CHD9: variants seen among roughly 807,000 people sequenced by gnomAD.
The protein encoded by CHD9 is chromodomain helicase DNA binding protein 9.
CHD9 carries 77 observed loss-of-function variants against 316.1 expected under a neutral mutation model. The ratio of observed to expected loss-of-function variants is 0.24; its 90% CI spans 0.20 to 0.29. The LOEUF is 0.29. Among genes scored for constraint, CHD9 ranks in the 10% least tolerant of loss-of-function variants. The pLI, the probability that CHD9 is intolerant of heterozygous loss-of-function variation, is 1.00. For missense variants in CHD9, 2,763 were observed against 3,438.1 expected, an observed-to-expected ratio of 0.80 and a Z score of 4.91; for synonymous variants, 1,129 against 1,158.3, an observed-to-expected ratio of 0.97 and a Z score of 0.51.
chr16:53,148,056 A>AG (rs368294186), intron 1 of CHD9, among the ~76,000 whole-genome samples: 1 of 151,870 alleles, frequency 6.6e-6, no homozygotes, highest in African/African-American at 2.4e-5. Context: ...ATAAAAAAAA[A>AG]ATTACCCGGG....
chr16:53,078,158 GT>G (rs2034713410), intron 1 of CHD9, among the ~76,000 whole-genome samples: 1 of 152,156 alleles, frequency 6.6e-6, no homozygotes, highest in Admixed American at 6.5e-5. Context: ...TATCACTTAA[GT>G]TTATGTCTCC....
intron 3 of CHD9, among the ~76,000 whole-genome samples, chr16:53,216,483 CATTTT>C: frequency 6.6e-6 from 1 of 152,120 alleles, no homozygotes; most frequent in East Asian, 1.9e-4. Context: ...GTATATGTGT[CATTTT>C]ATTTTAAAAT....
chr16:53,131,436 G>T (rs901856730), intron 1 of CHD9: 1 of 146,656 alleles, frequency 6.8e-6, no homozygotes, highest in African/African-American at 2.5e-5. Context: ...GCGGGCCCGC[G>T]GGGAGGCCGG....
chr16:53,074,081 G>A lies in CHD9; in HGVS notation c.-165+19004G>A, dbSNP rs1207642244. ...ATATGGACAATGAAATCGAGGCTGA[G>A]GTGGTCTCAGATAGAGTTAAGGAAC... is the stretch of plus-strand genomic sequence containing the variant. On this transcript the variant is annotated intron_variant, in intron 1 of 38. Coordinates refer to ENST00000447540, the MANE Select transcript of CHD9 (RefSeq NM_001308319.2). Among the ~76,000 whole-genome samples, 3 of 152,220 alleles carry A rather than the reference G, an allele frequency of 2.0e-5. No individual in the cohort carries two copies. The South Asian group carries it at 6.2e-4, about 31-fold the overall frequency.
intron 36 of CHD9, 46 bp from the exon 37 acceptor site, chr16:53,318,166 G>T: frequency 6.7e-7 from 1 of 1,494,690 alleles, no homozygotes; most frequent in Non-Finnish European, 9.1e-7. Flanking sequence ...GAATTGTTTT[G>T]CACAGTTAAA....
intron 1 of CHD9, chr16:53,131,363 G>A (rs1567353248): frequency 6.9e-6 from 1 of 144,786 alleles, no homozygotes; most frequent in Admixed American, 6.9e-5. Context: ...AGGGGGGAGG[G>A]GCAGGCGGGG....
At chr16:53,132,868 A>T (rs1044888484) in intron 1 of CHD9, among the ~76,000 whole-genome samples, 24 of 128,150 alleles carry the variant, frequency 1.9e-4, no homozygotes, top group Non-Finnish European at 1.5e-4. Context: ...GAGCGCAGTG[A>T]CGCCATCTCG....
chr16:53,141,175 AC>A (rs1343857519), intron 1 of CHD9, among the ~76,000 whole-genome samples: 9 of 152,196 alleles, frequency 5.9e-5, no homozygotes, highest in African/African-American at 2.2e-4. Context: ...GTATTATTTT[AC>A]AGTCATTTTT....
chr16:53,088,328 A>G (rs1306426813), intron 1 of CHD9, among the ~76,000 whole-genome samples: 1 of 130,062 alleles, frequency 7.7e-6, no homozygotes, highest in Non-Finnish European at 1.5e-5. Context: ...CCCAGGCTGG[A>G]GTGCAGTGGC....
At chr16:53,250,930 T>C (rs1303645819) in intron 17 of CHD9, among the ~76,000 whole-genome samples, 1 of 152,204 alleles carries the variant, frequency 6.6e-6, no homozygotes, top group Non-Finnish European at 1.5e-5. Flanking sequence ...AGCCATATTA[T>C]ATTTTTAAAC....
intron 3 of CHD9, among the ~76,000 whole-genome samples, chr16:53,218,037 C>T (rs1393611881): frequency 6.6e-6 from 1 of 151,496 alleles, no homozygotes; most frequent in Non-Finnish European, 1.5e-5. Context: ...AGAATTGTAT[C>T]AGTCAAAAAT....
At chr16:53,227,658 A>G in intron 7 of CHD9, 55 bp downstream of exon 7, 1 of 460,988 alleles carries the variant, frequency 2.2e-6, no homozygotes, top group East Asian at 4.2e-5. Flanking sequence ...ATATAAATTA[A>G]TATATTTAAT....
intron 29 of CHD9, among the ~76,000 whole-genome samples, chr16:53,294,084 G>A (rs2054583409): frequency 6.6e-6 from 1 of 152,060 alleles, no homozygotes; most frequent in Non-Finnish European, 1.5e-5. Context: ...TTATTCAGAA[G>A]ACAAATCCTT....
intron 1 of CHD9, among the ~76,000 whole-genome samples, chr16:53,089,808 G>A (rs1330981253): frequency 6.6e-6 from 1 of 152,224 alleles, no homozygotes; most frequent in Non-Finnish European, 1.5e-5. Context: ...TGCCCTGGCA[G>A]GTGGCAAGGG....
intron 38 of CHD9, among the ~76,000 whole-genome samples, chr16:53,322,059 G>A (rs1241047488): frequency 1.4e-5 from 2 of 147,804 alleles, no homozygotes; most frequent in East Asian, 2.0e-4. Context: ...GTGCAGTGGC[G>A]CAACCTTGGC....
intron 3 of CHD9, among the ~76,000 whole-genome samples, chr16:53,210,582 T>G (rs2046252120): frequency 6.6e-6 from 1 of 152,066 alleles, no homozygotes; most frequent in Admixed American, 6.5e-5. Context: ...TAAGCCAACA[T>G]AGTTTAGAAT....
At chr16:53,309,101 A>G (rs1362052069) in intron 34 of CHD9, among the ~76,000 whole-genome samples, 3 of 152,200 alleles carry the variant, frequency 2.0e-5, no homozygotes, top group Non-Finnish European at 4.4e-5. Flanking sequence ...CATTTTGTCA[A>G]GTTGCCTCAT....
At chr16:53,109,851 A>C (rs1250164958) in intron 1 of CHD9, among the ~76,000 whole-genome samples, 1 of 150,362 alleles carries the variant, frequency 6.7e-6, no homozygotes, top group East Asian at 2.0e-4. Context: ...CGCCCGGCTA[A>C]TTTTTTGTAT....
At chr16:53,092,762 C>G (rs2036056222) in intron 1 of CHD9, among the ~76,000 whole-genome samples, 1 of 151,764 alleles carries the variant, frequency 6.6e-6, no homozygotes, top group African/African-American at 2.4e-5. Flanking sequence ...GCACCTGCAC[C>G]TTTATTATTA....
Sources: allele counts gnomAD v4.1 joint callset (sites outside exome capture counted in the v4.1 genomes callset), GRCh38; gene constraint gnomAD v4.1.1; transcripts MANE v1.5; gene names NCBI Gene and HGNC (gene_info 2026-07-23, HGNC 2026-07-21).